SGCD: variants seen among roughly 807,000 people sequenced by gnomAD.
SGCD encodes the protein delta-sarcoglycan.
A neutral mutation model predicts 36.6 loss-of-function variants in SGCD; 18 were observed. The ratio of observed to expected loss-of-function variants is 0.49; its 90% CI spans 0.34 to 0.73. The LOEUF is 0.73. Among genes scored for constraint, SGCD ranks in the 30% least tolerant of loss-of-function variants. SGCD has a pLI of 0.01. For missense variants in SGCD, 387 were observed against 346.7 expected, an observed-to-expected ratio of 1.12 and a Z score of -0.92; for synonymous variants, 133 against 130.6, an observed-to-expected ratio of 1.02 and a Z score of -0.12.
chr5:155,875,011 A>G (rs1276690870), intron 1 of SGCD, among the ~76,000 whole-genome samples: 1 of 149,268 alleles, frequency 6.7e-6, no homozygotes, highest in African/African-American at 2.5e-5. Context: ...GGGAAAAAAA[A>G]TGGCCGGCAA....
At chr5:156,314,609 A>G (rs1033308583) in intron 3 of SGCD, among the ~76,000 whole-genome samples, 1 of 152,062 alleles carries the variant, frequency 6.6e-6, no homozygotes, top group African/African-American at 2.4e-5. Context: ...GACACTGTGC[A>G]TTGTTCTCAA....
chr5:156,431,609 G>T (rs1359605060), intron 3 of SGCD, among the ~76,000 whole-genome samples: 2 of 152,216 alleles, frequency 1.3e-5, no homozygotes, highest in Non-Finnish European at 2.9e-5. Flanking sequence ...AAGGTCTGCT[G>T]TTAAGATTAT....
the SGCD span, among the ~76,000 whole-genome samples, chr5:155,737,607 G>A: frequency 3.3e-5 from 5 of 152,190 alleles, no homozygotes; most frequent in Admixed American, 3.3e-4. Context: ...GATGGAGAAA[G>A]TAAGGATTGG....
intron 3 of SGCD, among the ~76,000 whole-genome samples, chr5:156,200,863 A>T (rs1764131432): frequency 6.6e-6 from 1 of 152,204 alleles, no homozygotes; most frequent in South Asian, 2.1e-4. Flanking sequence ...AGATGAATAG[A>T]TAAGCAAAAT....
intron 3 of SGCD, among the ~76,000 whole-genome samples, chr5:156,203,805 G>A (rs994665085): frequency 6.6e-6 from 1 of 152,054 alleles, no homozygotes; most frequent in African/African-American, 2.4e-5. Flanking sequence ...CAGATATTCA[G>A]GATCTAGGCA....
intron 1 of SGCD, among the ~76,000 whole-genome samples, chr5:155,976,283 G>A (rs991198409): frequency 6.6e-6 from 1 of 152,090 alleles, no homozygotes; most frequent in African/African-American, 2.4e-5. Flanking sequence ...AATATGAGGG[G>A]AGTATTGCAG....
chr5:156,122,965 A>G (rs1051501853), intron 2 of SGCD, among the ~76,000 whole-genome samples: 1 of 151,210 alleles, frequency 6.6e-6, no homozygotes, highest in Non-Finnish European at 1.5e-5. Context: ...TATAGGCAAG[A>G]CAGGAATCAA....
At chr5:156,326,905 G>A (rs1444617641), upstream of SGCD, 2 of 152,290 alleles carry the variant, frequency 1.3e-5, no homozygotes, top group African/African-American at 4.8e-5. Flanking sequence ...CAGGGGAGTC[G>A]GCCTGTGCTT....
At chr5:156,423,149 T>TATTTA (rs1414156700) in intron 3 of SGCD, among the ~76,000 whole-genome samples, 14 of 31,280 alleles carry the variant, frequency 4.5e-4, no homozygotes, top group East Asian at 2.0e-3. Context: ...AATATTTAAT[T>TATTTA]AATTATTTAA....
intron 1 of SGCD, among the ~76,000 whole-genome samples, chr5:156,112,333 C>T (rs112899299): frequency 2.6e-5 from 4 of 152,278 alleles, no homozygotes; most frequent in African/African-American, 9.6e-5. Context: ...ACTAATTTAG[C>T]TTCACATTTG....
At chr5:156,464,900 TCCAA>T (rs776450908) in intron 3 of SGCD, among the ~76,000 whole-genome samples, 1 of 152,154 alleles carries the variant, frequency 6.6e-6, no homozygotes, top group Non-Finnish European at 1.5e-5. Context: ...AAGTCAAAAC[TCCAA>T]CCATTCTATG....
intron 2 of SGCD, among the ~76,000 whole-genome samples, chr5:156,335,512 C>G (rs1270806965): frequency 1.3e-5 from 2 of 152,136 alleles, no homozygotes; most frequent in Admixed American, 1.3e-4. Flanking sequence ...CCCTTGAAGT[C>G]CAGATTCGTT....
chr5:155,978,831 A>C (rs1421573554), intron 1 of SGCD, among the ~76,000 whole-genome samples: 1 of 152,084 alleles, frequency 6.6e-6, no homozygotes, highest in Non-Finnish European at 1.5e-5. Context: ...GTTATTTTAA[A>C]AAAAAAAAGA....
At chr5:155,905,339 A>G (rs1392347704) in intron 1 of SGCD, among the ~76,000 whole-genome samples, 1 of 152,184 alleles carries the variant, frequency 6.6e-6, no homozygotes, top group African/African-American at 2.4e-5. Context: ...GTATAACCTT[A>G]GAAATTATTA....
chr5:156,269,469 CAAAAAAAAAAAAAAAAAAAAAAAAAAAAA>C (rs60893052), intron 3 of SGCD, among the ~76,000 whole-genome samples: 3 of 30,466 alleles, frequency 9.8e-5, no homozygotes, highest in African/African-American at 2.3e-4. Context: ...GACTCCGTCT[CAAAAAAAAAAAAAAAAAAAAAAAAAAAAA>C]AAAAAAAAAA....
At chr5:155,907,682 G>C (rs1756548063) in intron 1 of SGCD, among the ~76,000 whole-genome samples, 1 of 152,240 alleles carries the variant, frequency 6.6e-6, no homozygotes, top group Admixed American at 6.5e-5. Context: ...GCTAAAACTT[G>C]AATAGATAAG....
chr5:156,113,887 A>G (rs1241208223), intron 1 of SGCD, among the ~76,000 whole-genome samples: 1 of 152,170 alleles, frequency 6.6e-6, no homozygotes, highest in African/African-American at 2.4e-5. Context: ...AAAGTGTATT[A>G]CTATGTGAAG....
At position 156,731,676 on chromosome 5, in the gene SGCD, C is replaced by T. The variant is rs116761524; in HGVS notation, c.576-25905C>T. Among the ~76,000 whole-genome samples the T allele has an allele frequency of 9.0e-3, 1,368 of 152,098 alleles. 7 individuals are homozygous for T. Among genetic ancestry groups the T allele is most frequent in the Non-Finnish European group, 0.012 (782 of 67,918 alleles). The stretch of plus-strand genomic sequence containing the variant: ...CTATTCGGGCTCTTTTTTGGTTCCA[C>T]ATGATTTTTAAAATAGTTCTCTAGG... On this transcript the variant is annotated intron_variant, in intron 7 of 8. Transcript: ENST00000337851.
At chr5:156,086,054 T>C (rs992549802) in intron 1 of SGCD, among the ~76,000 whole-genome samples, 6 of 152,246 alleles carry the variant, frequency 3.9e-5, no homozygotes, top group Non-Finnish European at 7.3e-5. Flanking sequence ...GTTTTCATAG[T>C]GGTTTCTCTG....
Sources: gnomAD v4.1 joint callset for allele counts (sites outside exome capture counted in the v4.1 genomes callset) on GRCh38, gnomAD v4.1.1 for gene constraint, MANE v1.5 for transcripts, NCBI Gene and HGNC (gene_info 2026-07-23, HGNC 2026-07-21) for gene names.